ZDHHC21: variants seen among roughly 807,000 people sequenced by gnomAD.
The protein encoded by ZDHHC21 is zDHHC palmitoyltransferase 21.
A neutral mutation model predicts 34.6 loss-of-function variants in ZDHHC21; 15 were observed. That is an observed-to-expected ratio of 0.43 (90% CI 0.29 to 0.67). The LOEUF (loss-of-function observed/expected upper bound fraction) is 0.67, where lower values mean the gene tolerates loss of function less well. ZDHHC21 is among the 30% of genes least tolerant of loss of function. ZDHHC21 has a pLI of 0.14. For missense variants in ZDHHC21, 344 were observed against 327.7 expected, an observed-to-expected ratio of 1.05 and a Z score of -0.38; for synonymous variants, 142 against 101.8, an observed-to-expected ratio of 1.40 and a Z score of -2.38.
Position 14,616,065 on chromosome 9 carries a change from ATC to A in ZDHHC21, c.*2899_*2900del, listed in dbSNP as rs1230516704. On this transcript the variant is annotated 3_prime_UTR_variant, in exon 10 of 10. Coordinates refer to ENST00000380916, the MANE Select transcript of ZDHHC21 (RefSeq NM_178566.6). ...AGGAAAATTATACAAAGAATCATTA[ATC>A]TCTTAGTTATTTTAAGGCAATAGAG... is the stretch of plus-strand genomic sequence containing the variant. The A allele has an allele frequency of 6.6e-6, 1 of 151,746 alleles. No homozygotes were observed. Among genetic ancestry groups the A allele is most frequent in the African/African-American group, 2.4e-5 (1 of 41,432 alleles). 9.4% of individuals were successfully genotyped at this position (151,746 alleles called of 1,614,324 possible).
At chr9:14,681,877 G>A (rs574216255) in intron 2 of ZDHHC21, among the ~76,000 whole-genome samples, 9 of 152,006 alleles carry the variant, frequency 5.9e-5, no homozygotes, top group Non-Finnish European at 8.8e-5. Context: ...GAGAACGGGG[G>A]CCAATATTCA....
intron 2 of ZDHHC21, 141 bp from the exon 3 acceptor site, chr9:14,680,303 T>C (rs1156364519): frequency 6.6e-6 from 1 of 152,204 alleles, no homozygotes; most frequent in East Asian, 1.9e-4. Context: ...TTTGATTCTG[T>C]GCTTTCATAT....
At position 14,612,670 on chromosome 9, in the gene ZDHHC21, T is replaced by C. The variant is rs1823502300; in HGVS notation, c.*6296A>G. 1 of 151,726 alleles carries C rather than the reference T, an allele frequency of 6.6e-6. No homozygotes were observed. Among genetic ancestry groups the C allele is most frequent in the South Asian group, 2.1e-4 (1 of 4,816 alleles). 9.4% of individuals were successfully genotyped at this position (151,726 alleles called of 1,614,324 possible). The stretch of plus-strand genomic sequence containing the variant: ...AATCAAGGTACATATGCATTTCCTC[T>C]TGGGAAAGCATCTCTCTCTCTGTCT... On this transcript the variant is annotated 3_prime_UTR_variant, in exon 10 of 10. Coordinates refer to ENST00000380916, the MANE Select transcript of ZDHHC21 (RefSeq NM_178566.6).
chr9:14,646,564 T>C (rs1180605528), intron 7 of ZDHHC21, among the ~76,000 whole-genome samples: 2 of 152,026 alleles, frequency 1.3e-5, no homozygotes, highest in Admixed American at 1.3e-4. Context: ...TCTGATCTCA[T>C]CTACCACTTT....
rs937930372 is a variant in ZDHHC21, at chr9:14,621,973, A to G, written c.622-2291T>C. On this transcript the variant is annotated intron_variant, in intron 8 of 9. Transcript: ENST00000380916. Reference sequence around the variant, plus strand: ...TGCTCATCATGAAAGGACCAATAAGATAACTATTATCCTCAAGGAGTTTAA... The same window carrying G: ...TGCTCATCATGAAAGGACCAATAAGGTAACTATTATCCTCAAGGAGTTTAA... Among the ~76,000 whole-genome samples the G allele has an allele frequency of 2.0e-5, 3 of 152,286 alleles. No homozygotes were observed. The South Asian group carries it at 6.2e-4, about 32-fold the overall frequency.
chr9:14,664,726 C>A (rs1333361806), intron 5 of ZDHHC21, among the ~76,000 whole-genome samples: 5 of 152,044 alleles, frequency 3.3e-5, no homozygotes, highest in Admixed American at 2.0e-4. Flanking sequence ...AGGCACCCCC[C>A]AGCAGGGGCA....
chr9:14,643,432 A>G (rs1449433080), intron 7 of ZDHHC21, among the ~76,000 whole-genome samples: 1 of 152,220 alleles, frequency 6.6e-6, no homozygotes. Flanking sequence ...GCTATGTTTC[A>G]GCTGCATATT....
At chr9:14,593,843 A>G in the ZDHHC21 span, 1 of 152,632 alleles carries the variant, frequency 6.6e-6, no homozygotes, top group Non-Finnish European at 1.5e-5. Flanking sequence ...GTGAAGGGCA[A>G]GTGCTTCTAG....
Position 14,658,844 on chromosome 9 carries a change from G to A in ZDHHC21, c.409C>T (p.Gln137Ter), listed in dbSNP as rs1319432954. 3.1e-6 allele frequency: 5 copies of A among 1,612,938 alleles called. No individual in the cohort carries two copies. Among genetic ancestry groups the A allele is most frequent in the Non-Finnish European group, 4.2e-6 (5 of 1,179,262 alleles). ...VGEDNHWLFL[Q>*]LCFYTELLTC... ...AGAAGTTCAGTGTAGAAACACAACT[G>A]CAGAAAGAGCCAATGATTATCTTCA... Residue 137 changes from glutamine to a stop codon, truncating the protein, a stop_gained, in exon 7 of 10, where the codon CAG becomes TAG. Coordinates refer to ENST00000380916, the MANE Select transcript of ZDHHC21 (RefSeq NM_178566.6). LOFTEE classifies it high-confidence loss of function.
the ZDHHC21 span, chr9:14,593,826 C>T: frequency 6.6e-6 from 1 of 152,492 alleles, no homozygotes. Context: ...GATGGCGGTG[C>T]CCCAGGGTGA....
chr9:14,657,664 C>A (rs1033706088), intron 7 of ZDHHC21, among the ~76,000 whole-genome samples: 2 of 151,974 alleles, frequency 1.3e-5, no homozygotes, highest in Non-Finnish European at 2.9e-5. Context: ...TTTTTTTTAA[C>A]AAAAACAGGC....
intron 3 of ZDHHC21, 82 bp downstream of exon 3, chr9:14,679,951 T>C (rs954136605): frequency 6.6e-6 from 1 of 152,456 alleles, no homozygotes. Context: ...GACAATTAAG[T>C]GCATCTAAGC....
intron 5 of ZDHHC21, among the ~76,000 whole-genome samples, chr9:14,664,195 G>C (rs1455367162): frequency 2.0e-5 from 3 of 146,646 alleles, no homozygotes; most frequent in Non-Finnish European, 3.0e-5. Flanking sequence ...TGCCTCACTC[G>C]GGAAGCGCAA....
chr9:14,677,037 T>C (rs1836525109), intron 3 of ZDHHC21, among the ~76,000 whole-genome samples: 1 of 151,990 alleles, frequency 6.6e-6, no homozygotes, highest in African/African-American at 2.4e-5. Context: ...CTGGCAAAAT[T>C]ATCAAATATT....
the ZDHHC21 span, chr9:14,588,958 C>G: frequency 1.3e-5 from 2 of 152,002 alleles, no homozygotes; most frequent in Non-Finnish European, 2.9e-5. Flanking sequence ...AGAAATTGCT[C>G]TATAAAAACA....
chr9:14,621,586 C>G (rs1050051159), intron 8 of ZDHHC21, among the ~76,000 whole-genome samples: 1 of 152,012 alleles, frequency 6.6e-6, no homozygotes, highest in Admixed American at 6.6e-5. Flanking sequence ...GAGGCTGGCC[C>G]AAATAGGCTA....
chr9:14,627,458 C>T (rs1826473401), intron 8 of ZDHHC21, among the ~76,000 whole-genome samples: 1 of 152,106 alleles, frequency 6.6e-6, no homozygotes, highest in South Asian at 2.1e-4. Flanking sequence ...ACAATAGCAC[C>T]TGTGAAACCA....
In ZDHHC21 at chr9:14,615,451, T is replaced by C. The variant is rs1468117273; in HGVS notation, c.*3515A>G. The stretch of plus-strand genomic sequence containing the variant: ...CATTATTAAAAATAAACCATGCTTT[T>C]TTTCTGAAAAAGTTAATATGTTAAC... On this transcript the variant is annotated 3_prime_UTR_variant, in exon 10 of 10. Coordinates refer to ENST00000380916, the MANE Select transcript of ZDHHC21 (RefSeq NM_178566.6). The C allele has an allele frequency of 6.6e-6, 1 of 151,762 alleles. No homozygotes were observed. The highest frequency in any genetic ancestry group is 1.5e-5 in the Non-Finnish European group (1 of 67,742). 9.4% of individuals were successfully genotyped at this position (151,762 alleles called of 1,614,324 possible).
the ZDHHC21 span, among the ~76,000 whole-genome samples, chr9:14,590,332 G>T: frequency 6.6e-6 from 1 of 151,996 alleles, no homozygotes; most frequent in Non-Finnish European, 1.5e-5. Context: ...CTTGTGTTTA[G>T]GAGTAAGGAA....
Sources: allele counts gnomAD v4.1 joint callset (sites outside exome capture counted in the v4.1 genomes callset), GRCh38; gene constraint gnomAD v4.1.1; transcripts MANE v1.5; gene names NCBI Gene and HGNC (gene_info 2026-07-23, HGNC 2026-07-21).